Variants in ROBO1 observed in about 807,000 individuals in gnomAD.
The protein encoded by ROBO1 is roundabout guidance receptor 1.
ROBO1 carries 149 observed loss-of-function variants against 195.9 expected under a neutral mutation model. The ratio of observed to expected loss-of-function variants is 0.76; its 90% CI spans 0.67 to 0.87. The LOEUF (loss-of-function observed/expected upper bound fraction) is 0.87, where lower values mean the gene tolerates loss of function less well. Among genes scored for constraint, ROBO1 ranks in the 40% least tolerant of loss-of-function variants. The probability of loss-of-function intolerance (pLI) is 0.00; values close to 1 mark genes in which losing one functional copy is unlikely to be tolerated. For synonymous variants in ROBO1, 816 were observed against 733.2 expected (o/e 1.11, Z -1.82); for missense variants, 1,933 against 2,068.3 (o/e 0.93, Z 1.27).
At chr3:79,720,059 T>C (rs1702637171) in intron 1 of ROBO1, among the ~76,000 whole-genome samples, 1 of 152,216 alleles carries the variant, frequency 6.6e-6, no homozygotes, top group South Asian at 2.1e-4. Context: ...AAATAGTTTT[T>C]GAAATTCTAT....
intron 1 of ROBO1, among the ~76,000 whole-genome samples, chr3:79,606,418 A>C (rs1944487418): frequency 6.6e-6 from 1 of 151,950 alleles, no homozygotes; most frequent in South Asian, 2.1e-4. Context: ...CCATCCAGCC[A>C]AATTGTCTTT....
intron 2 of ROBO1, among the ~76,000 whole-genome samples, chr3:79,381,561 T>C (rs1047289983): frequency 6.6e-6 from 1 of 152,022 alleles, no homozygotes; most frequent in African/African-American, 2.4e-5. Flanking sequence ...TTATTCCGCA[T>C]ATATTGAGCT....
chr3:79,387,490 C>T (rs1338760344), intron 2 of ROBO1, among the ~76,000 whole-genome samples: 1 of 150,704 alleles, frequency 6.6e-6, no homozygotes, highest in African/African-American at 2.4e-5. Context: ...GTACATATTG[C>T]ATATGCATGT....
intron 2 of ROBO1, among the ~76,000 whole-genome samples, chr3:79,350,346 T>C (rs934480504): frequency 7.9e-5 from 12 of 152,206 alleles, no homozygotes; most frequent in Non-Finnish European, 1.3e-4. Flanking sequence ...CATTGCTAGT[T>C]GGATTGTAAT....
Position 79,271,177 on chromosome 3 carries a change from T to C in ROBO1, c.89-145638A>G, listed in dbSNP as rs544511202. Among the ~76,000 whole-genome samples, 68 of 152,144 alleles carry C rather than the reference T, an allele frequency of 4.5e-4. No homozygotes were observed. In the South Asian group the frequency reaches 0.014, roughly 31 times the overall value. ...CTATTGTGTGTCATGCAATCTTTAC[T>C]TCTTCTCATCTCTGAAGACATATCA... On this transcript the variant is annotated intron_variant, in intron 2 of 30. Transcript: ENST00000464233.
In ROBO1 at chr3:78,607,451, G is replaced by C. The variant is rs763054821; in HGVS notation, c.4436-410C>G. On this transcript the variant is annotated intron_variant, in intron 28 of 30. Coordinates refer to ENST00000464233, the MANE Select transcript of ROBO1 (RefSeq NM_002941.4). ...TGGTCTCAAACTCCTGGACTCAAGT[G>C]ATCTGTCCACCTTGGCTTCCTAAAG... Among the ~76,000 whole-genome samples, 75 of 152,076 alleles carry C rather than the reference G, an allele frequency of 4.9e-4. 1 individual carries two copies. Among genetic ancestry groups the C allele is most frequent in the Non-Finnish European group, 1.0e-3 (68 of 68,010 alleles).
At chr3:79,719,606 C>A (rs539695991) in intron 1 of ROBO1, among the ~76,000 whole-genome samples, 141 of 152,218 alleles carry the variant, frequency 9.3e-4, no homozygotes, top group Non-Finnish European at 1.9e-3. Context: ...ACCTTCCTGG[C>A]AGCCAAAGGA....
intron 4 of ROBO1, among the ~76,000 whole-genome samples, chr3:78,813,262 ACC>A (rs2084799226): frequency 6.9e-6 from 1 of 145,226 alleles, no homozygotes; most frequent in African/African-American, 2.6e-5. Flanking sequence ...ACACACACAC[ACC>A]ACTTTGATAA....
intron 1 of ROBO1, among the ~76,000 whole-genome samples, chr3:79,735,103 C>G (rs545240385): frequency 6.6e-6 from 1 of 152,132 alleles, no homozygotes. Flanking sequence ...AAAGCATAGG[C>G]GGATGGATCC....
chr3:79,196,428 T>G, intron 2 of ROBO1, among the ~76,000 whole-genome samples: 1 of 149,576 alleles, frequency 6.7e-6, no homozygotes, highest in African/African-American at 2.5e-5. Flanking sequence ...AGAGAGAAAA[T>G]AAAGAGCATG....
At chr3:79,068,350 G>A (rs1018104483) in intron 3 of ROBO1, among the ~76,000 whole-genome samples, 7 of 151,786 alleles carry the variant, frequency 4.6e-5, no homozygotes, top group East Asian at 2.0e-4. Flanking sequence ...GTTTTTACCC[G>A]TGTTCCTCCT....
chr3:79,037,647 G>A (rs766373114), intron 3 of ROBO1, among the ~76,000 whole-genome samples: 1 of 152,116 alleles, frequency 6.6e-6, no homozygotes, highest in Non-Finnish European at 1.5e-5. Flanking sequence ...ATGTGCAAAA[G>A]TGTGTGAGGA....
chr3:79,458,165 G>T (rs1038384328), intron 2 of ROBO1, among the ~76,000 whole-genome samples: 1 of 152,252 alleles, frequency 6.6e-6, no homozygotes, highest in Non-Finnish European at 1.5e-5. Flanking sequence ...TGAAATAAAG[G>T]GGAGGGAGTC....
chr3:79,731,197 A>C (rs2107354786), intron 1 of ROBO1, among the ~76,000 whole-genome samples: 1 of 152,306 alleles, frequency 6.6e-6, no homozygotes, highest in South Asian at 2.1e-4. Context: ...GAAAGAAAGT[A>C]ATATTTTTAA....
intron 4 of ROBO1, among the ~76,000 whole-genome samples, chr3:78,814,582 T>C (rs1330377409): frequency 6.6e-6 from 1 of 152,014 alleles, no homozygotes; most frequent in Non-Finnish European, 1.5e-5. Context: ...AAATCAAAGC[T>C]AGACAAGACC....
chr3:79,204,739 G>C (rs1374421974), intron 2 of ROBO1, among the ~76,000 whole-genome samples: 1 of 152,080 alleles, frequency 6.6e-6, no homozygotes, highest in Non-Finnish European at 1.5e-5. Context: ...AATCTCATGA[G>C]TGTAAAGTGA....
intron 3 of ROBO1, among the ~76,000 whole-genome samples, chr3:79,007,685 C>A (rs2077659181): frequency 6.6e-6 from 1 of 152,086 alleles, no homozygotes; most frequent in Admixed American, 6.5e-5. Context: ...TTATGGTGTA[C>A]AACATGTTTT....
At chr3:79,506,434 G>T (rs1940399373) in intron 2 of ROBO1, among the ~76,000 whole-genome samples, 1 of 151,880 alleles carries the variant, frequency 6.6e-6, no homozygotes, top group Admixed American at 6.6e-5. Flanking sequence ...TCAAAGAAAA[G>T]AAATAGAAAA....
chr3:78,952,497 T>A (rs1034730786), intron 3 of ROBO1, among the ~76,000 whole-genome samples: 2 of 151,902 alleles, frequency 1.3e-5, no homozygotes, highest in Non-Finnish European at 2.9e-5. Context: ...TTAACATAAA[T>A]CCTATCATGG....
Sources: allele counts gnomAD v4.1 joint callset (sites outside exome capture counted in the v4.1 genomes callset), GRCh38; gene constraint gnomAD v4.1.1; transcripts MANE v1.5; gene names NCBI Gene and HGNC (gene_info 2026-07-23, HGNC 2026-07-21).